Variants in UBE2D2 observed in about 807,000 individuals in gnomAD.
UBE2D2 encodes the protein ubiquitin-conjugating enzyme E2 D2.
A neutral mutation model predicts 24.2 loss-of-function variants in UBE2D2; 2 were observed. That is an observed-to-expected ratio of 0.08 (90% confidence interval 0.03 to 0.26). The LOEUF (loss-of-function observed/expected upper bound fraction) is 0.26. Ranked by LOEUF, UBE2D2 falls within the 10% of genes least tolerant of loss-of-function variation. The probability of loss-of-function intolerance (pLI) is 1.00; values close to 1 mark genes in which losing one functional copy is unlikely to be tolerated. For synonymous variants in UBE2D2, 58 were observed against 56.5 expected (o/e 1.03, Z -0.12); for missense variants, 44 against 177.6 (o/e 0.25, Z 4.28).
chr5:139,536,926 T>TC (rs1752688423), intron 1 of UBE2D2, among the ~76,000 whole-genome samples: 1 of 151,916 alleles, frequency 6.6e-6, no homozygotes, highest in Non-Finnish European at 1.5e-5. Context: ...ACGCCTGTAA[T>TC]CCCAGCACTT....
intron 2 of UBE2D2, among the ~76,000 whole-genome samples, chr5:139,606,808 C>T (rs1250861998): frequency 6.6e-6 from 1 of 151,976 alleles, no homozygotes; most frequent in Non-Finnish European, 1.5e-5. Context: ...AATTCTTGAG[C>T]TATTTCTCTT....
At chr5:139,588,824 G>A (rs547108692) in intron 1 of UBE2D2, among the ~76,000 whole-genome samples, 2 of 152,258 alleles carry the variant, frequency 1.3e-5, no homozygotes, top group South Asian at 4.1e-4. Context: ...AGGGTGAAGT[G>A]CAGTGGCTAC....
chr5:139,567,529 G>GTTTTTTTT (rs33998713), intron 1 of UBE2D2, among the ~76,000 whole-genome samples: 3 of 100,140 alleles, frequency 3.0e-5, no homozygotes, highest in Admixed American at 1.1e-4. Flanking sequence ...AATTTGCTAA[G>GTTTTTTTT]TTTTTTTTTT....
chr5:139,620,268 G>A (rs1233775747), intron 5 of UBE2D2, among the ~76,000 whole-genome samples: 4 of 152,302 alleles, frequency 2.6e-5, no homozygotes, highest in Non-Finnish European at 5.9e-5. Flanking sequence ...AAGAAGCTAA[G>A]TAGTGTACTA....
At chr5:139,592,913 A>T (rs1344762493) in intron 1 of UBE2D2, among the ~76,000 whole-genome samples, 2 of 145,838 alleles carry the variant, frequency 1.4e-5, no homozygotes, top group African/African-American at 5.3e-5. Context: ...GCATTTCAGT[A>T]ATCTTAAAAG....
chr5:139,618,463 T>C (rs1468032451), intron 5 of UBE2D2, among the ~76,000 whole-genome samples: 1 of 152,150 alleles, frequency 6.6e-6, no homozygotes, highest in Non-Finnish European at 1.5e-5. Context: ...CAAGAGCTAC[T>C]TGAGAAAGTG....
At chr5:139,526,789 G>A (rs950252172) in intron 1 of UBE2D2, among the ~76,000 whole-genome samples, 4 of 152,096 alleles carry the variant, frequency 2.6e-5, no homozygotes, top group Admixed American at 6.5e-5. Flanking sequence ...GATCACCCAC[G>A]GTGTGCCTGC....
chr5:139,597,650 A>C (rs537147922), intron 1 of UBE2D2, among the ~76,000 whole-genome samples: 3 of 152,364 alleles, frequency 2.0e-5, no homozygotes, highest in South Asian at 2.1e-4. Flanking sequence ...TTCAATTGTT[A>C]AATTGTTAAA....
chr5:139,550,305 T>G (rs937287661), intron 1 of UBE2D2, among the ~76,000 whole-genome samples: 6 of 152,140 alleles, frequency 3.9e-5, no homozygotes, highest in Admixed American at 3.9e-4. Context: ...CTTGGAGAAC[T>G]TTTACCTCAG....
At chr5:139,548,626 C>T (rs1026745763) in intron 1 of UBE2D2, among the ~76,000 whole-genome samples, 1 of 152,108 alleles carries the variant, frequency 6.6e-6, no homozygotes, top group Non-Finnish European at 1.5e-5. Context: ...TCATCATTAT[C>T]GTCATTATCA....
intron 1 of UBE2D2, among the ~76,000 whole-genome samples, chr5:139,530,878 T>C (rs1295949435): frequency 6.6e-6 from 1 of 152,110 alleles, no homozygotes; most frequent in Non-Finnish European, 1.5e-5. Flanking sequence ...ATAATAATAG[T>C]AATAGGAACC....
At chr5:139,572,379 A>G (rs935049332) in intron 1 of UBE2D2, among the ~76,000 whole-genome samples, 22 of 152,138 alleles carry the variant, frequency 1.4e-4, no homozygotes, top group Admixed American at 1.2e-3. Context: ...CAGGAGGATC[A>G]CTTGAGCTCA....
intron 1 of UBE2D2, among the ~76,000 whole-genome samples, chr5:139,569,051 T>C (rs1341855539): frequency 6.6e-6 from 1 of 152,240 alleles, no homozygotes; most frequent in Non-Finnish European, 1.5e-5. Flanking sequence ...ATTGAATTCC[T>C]ATCAAAATGA....
intron 1 of UBE2D2, among the ~76,000 whole-genome samples, chr5:139,592,656 G>T (rs1753868896): frequency 7.0e-6 from 1 of 143,488 alleles, no homozygotes; most frequent in African/African-American, 2.6e-5. Context: ...AGATTGGAGT[G>T]CAGTGGCACG....
chr5:139,578,542 C>T (rs1753530846), intron 1 of UBE2D2, among the ~76,000 whole-genome samples: 1 of 151,778 alleles, frequency 6.6e-6, no homozygotes. Context: ...AGCCTTGACC[C>T]TCTGGGCTTA....
Position 139,561,391 on chromosome 5 carries a change from G to T in UBE2D2, c.-401G>T, listed in dbSNP as rs925836129. 5.6e-6 allele frequency: 1 copy of T among 177,828 alleles called. No homozygotes were observed. Among genetic ancestry groups the T allele is most frequent in the Admixed American group, 6.3e-5 (1 of 15,934 alleles). The allele number at this position is 177,828 out of a possible 1,614,324, so 11.0% of individuals were successfully genotyped here. ...CGCCCGCGCGTCCCTCGGTCCACCT[G>T]CAGCAGGGAGGAAGACAGGCAATCC... On this transcript the variant is annotated 5_prime_UTR_variant, in exon 1 of 7. Transcript: ENST00000398733.
chr5:139,531,366 C>T (rs553300124), intron 1 of UBE2D2, among the ~76,000 whole-genome samples: 63 of 152,216 alleles, frequency 4.1e-4, no homozygotes, highest in Non-Finnish European at 7.8e-4. Flanking sequence ...CAGCCCCTGT[C>T]ACGTACCGCC....
intron 1 of UBE2D2, among the ~76,000 whole-genome samples, chr5:139,534,304 C>T (rs1437531870): frequency 2.6e-5 from 4 of 151,848 alleles, no homozygotes; most frequent in Non-Finnish European, 5.9e-5. Flanking sequence ...CAGTGGCTCA[C>T]GCCTGTAATC....
intron 1 of UBE2D2, chr5:139,554,936 G>A (rs1220803581): frequency 6.6e-6 from 1 of 152,150 alleles, no homozygotes; most frequent in Non-Finnish European, 1.5e-5. Flanking sequence ...GCACGGAAAA[G>A]GGACAAAGAA....
Sources: allele counts gnomAD v4.1 joint callset (sites outside exome capture counted in the v4.1 genomes callset), GRCh38; gene constraint gnomAD v4.1.1; transcripts MANE v1.5; gene names NCBI Gene and HGNC (gene_info 2026-07-23, HGNC 2026-07-21).